Variants in OCA2 observed in about 807,000 individuals in gnomAD.
OCA2 encodes P protein.
In OCA2, 77 loss-of-function variants were observed where a neutral mutation model predicts 100.2. The ratio of observed to expected loss-of-function variants is 0.77; its 90% confidence interval spans 0.64 to 0.93. OCA2 has a LOEUF of 0.93. Ranked by LOEUF, OCA2 falls within the 40% of genes least tolerant of loss-of-function variation. The pLI is 0.00. For missense variants in OCA2, 1,062 were observed against 1,089.1 expected, an observed-to-expected ratio of 0.98 and a Z score of 0.35; for synonymous variants, 432 against 439.2, an observed-to-expected ratio of 0.98 and a Z score of 0.21.
chr15:27,728,720 C>G, the OCA2 span, among the ~76,000 whole-genome samples: 2,674 of 152,290 alleles, frequency 0.018, 47 homozygotes, highest in Non-Finnish European at 0.031. Flanking sequence ...AAGAGGCTCT[C>G]TGGTTCCAGG....
chr15:27,845,078 T>C (rs2035483402), intron 22 of OCA2, 26 bp from the exon 23 acceptor site: 2 of 1,532,638 alleles, frequency 1.3e-6, no homozygotes, highest in Admixed American at 3.3e-5. Flanking sequence ...AAAAACAAAA[T>C]CCCAGTTCAT....
chr15:27,794,376 G>A (rs1303259156), intron 23 of OCA2, among the ~76,000 whole-genome samples: 5 of 152,144 alleles, frequency 3.3e-5, no homozygotes, highest in South Asian at 2.1e-4. Flanking sequence ...CAGGAAGAAC[G>A]GGCCGTGGAA....
intron 23 of OCA2, among the ~76,000 whole-genome samples, chr15:27,837,768 A>G (rs1358787320): frequency 6.6e-6 from 1 of 151,690 alleles, no homozygotes; most frequent in Non-Finnish European, 1.5e-5. Flanking sequence ...ACAGGCAGGC[A>G]GGCGTGCCCA....
intron 22 of OCA2, among the ~76,000 whole-genome samples, chr15:27,847,163 G>A (rs138114956): frequency 5.3e-4 from 80 of 152,326 alleles, no homozygotes; most frequent in African/African-American, 1.9e-3. Context: ...ACATCAACTC[G>A]TTAAGTCGCA....
intron 16 of OCA2, among the ~76,000 whole-genome samples, chr15:27,955,740 C>T (rs1253149695): frequency 6.6e-6 from 1 of 152,158 alleles, no homozygotes; most frequent in Non-Finnish European, 1.5e-5. Context: ...GGGGAAGGAT[C>T]ACTTGAGGCC....
chr15:27,867,626 A>G (rs1335630926), intron 21 of OCA2, among the ~76,000 whole-genome samples: 3 of 152,224 alleles, frequency 2.0e-5, no homozygotes, highest in Non-Finnish European at 4.4e-5. Flanking sequence ...ATATGATCAC[A>G]AAGTAAATAA....
At position 27,928,626 on chromosome 15, in the gene OCA2, T is replaced by A. The variant is rs542216395; in HGVS notation, c.1952-2372A>T. 3.9e-5 allele frequency among the ~76,000 whole-genome samples: 6 copies of A among 152,300 alleles called. No individual in the cohort carries two copies. In the East Asian group the frequency reaches 1.2e-3, roughly 29 times the overall value. ...ATCCAGTTCCCTGCAGCTGTAAGAC[T>A]GAGGCCCCTGTTTCCTTACTGGCTG... On this transcript the variant is annotated intron_variant, in intron 18 of 23. Coordinates refer to ENST00000354638, the MANE Select transcript of OCA2 (RefSeq NM_000275.3).
intron 14 of OCA2, among the ~76,000 whole-genome samples, chr15:27,977,473 T>C (rs1057316445): frequency 4.6e-5 from 7 of 152,176 alleles, no homozygotes; most frequent in Admixed American, 2.6e-4. Context: ...TCTTGCTATA[T>C]AGTGGTGCAG....
intron 4 of OCA2, among the ~76,000 whole-genome samples, chr15:28,027,271 C>A (rs531592954): frequency 4.0e-4 from 61 of 152,322 alleles, no homozygotes; most frequent in African/African-American, 1.5e-3. Context: ...TACGCATGCG[C>A]ATCCCCTCCC....
intron 23 of OCA2, among the ~76,000 whole-genome samples, chr15:27,769,950 A>C (rs1320524434): frequency 6.7e-6 from 1 of 150,108 alleles, no homozygotes; most frequent in African/African-American, 2.5e-5. Flanking sequence ...GCTCATCCTC[A>C]GCCCCCATCT....
intron 23 of OCA2, among the ~76,000 whole-genome samples, chr15:27,794,176 C>T (rs1438657824): frequency 1.3e-5 from 2 of 152,172 alleles, no homozygotes; most frequent in East Asian, 1.9e-4. Context: ...CCGAAAACTG[C>T]GGACAACTCA....
chr15:27,737,491 C>A, the OCA2 span, among the ~76,000 whole-genome samples: 65,400 of 151,888 alleles, frequency 0.43, 15,438 homozygotes, highest in Non-Finnish European at 0.53. Context: ...CTGTTCTAGA[C>A]CAGAAAGAGA....
chr15:27,740,108 G>A, the OCA2 span, among the ~76,000 whole-genome samples: 3 of 152,270 alleles, frequency 2.0e-5, no homozygotes, highest in East Asian at 5.8e-4. Flanking sequence ...TTGATAAATG[G>A]CCTTGCTATT....
chr15:27,785,575 TAAGA>T (rs2032771493), intron 23 of OCA2, among the ~76,000 whole-genome samples: 1 of 151,820 alleles, frequency 6.6e-6, no homozygotes, highest in African/African-American at 2.4e-5. Flanking sequence ...ATAAAAAAGG[TAAGA>T]AAGAAAAGAA....
chr15:27,979,868 G>GTTTTTTTTT (rs35266057), intron 14 of OCA2, among the ~76,000 whole-genome samples: 4 of 108,000 alleles, frequency 3.7e-5, no homozygotes, highest in South Asian at 3.2e-4. Context: ...CCCAGCTAGT[G>GTTTTTTTTT]TTTTTTTTTT....
intron 23 of OCA2, among the ~76,000 whole-genome samples, chr15:27,781,389 A>C (rs1329205422): frequency 6.6e-6 from 1 of 152,114 alleles, no homozygotes; most frequent in Non-Finnish European, 1.5e-5. Flanking sequence ...TGTCCATCCC[A>C]CCTCACATAT....
At chr15:27,750,254 CA>C (rs1321000311), downstream of OCA2, among the ~76,000 whole-genome samples, 1 of 152,164 alleles carries the variant, frequency 6.6e-6, no homozygotes, top group East Asian at 1.9e-4. Context: ...TCCTTCAAGA[CA>C]AATTAACCTG....
intron 23 of OCA2, among the ~76,000 whole-genome samples, chr15:27,819,569 G>A (rs537346934): frequency 2.6e-5 from 4 of 152,312 alleles, no homozygotes; most frequent in African/African-American, 9.6e-5. Flanking sequence ...GGTGGATGAT[G>A]GGAATTAGGT....
At chr15:27,915,658 C>T (rs2038639673) in intron 19 of OCA2, among the ~76,000 whole-genome samples, 1 of 152,158 alleles carries the variant, frequency 6.6e-6, no homozygotes, top group Admixed American at 6.6e-5. Context: ...GAGATGGCAT[C>T]TCATGCCAGT....
Sources: gnomAD v4.1 joint callset for allele counts (sites outside exome capture counted in the v4.1 genomes callset) on GRCh38, gnomAD v4.1.1 for gene constraint, MANE v1.5 for transcripts, NCBI Gene and HGNC (gene_info 2026-07-23, HGNC 2026-07-21) for gene names.